PGBD2: variants seen among roughly 807,000 people sequenced by gnomAD.
PGBD2 encodes piggyBac transposable element-derived protein 2.
PGBD2 carries 6 observed loss-of-function variants against 8.1 expected under a neutral mutation model. The ratio of observed to expected loss-of-function variants is 0.74; its 90% CI spans 0.40 to 1.46. PGBD2 has a LOEUF of 1.46. PGBD2 is among the 40% of genes most tolerant of loss of function. The probability of loss-of-function intolerance (pLI) is 0.02; values close to 1 mark genes in which losing one functional copy is unlikely to be tolerated. For missense variants in PGBD2, 802 were observed against 739.0 expected, an observed-to-expected ratio of 1.09 and a Z score of -0.99; for synonymous variants, 318 against 272.2, an observed-to-expected ratio of 1.17 and a Z score of -1.66.
chr1:248,914,138 C>A (rs1156759969), intron 2 of PGBD2, among the ~76,000 whole-genome samples: 1 of 152,166 alleles, frequency 6.6e-6, no homozygotes, highest in Admixed American at 6.5e-5. Context: ...CCTCATCTTT[C>A]AAGATAAAGA....
At position 248,910,189 on chromosome 1, in the gene PGBD2, T is replaced by TA. The variant is rs142254921; in HGVS notation, c.-47-3625dup. Among the ~76,000 whole-genome samples the TA allele has an allele frequency of 5.4e-3, 825 of 152,364 alleles. 6 individuals are homozygous for TA. The highest frequency in any genetic ancestry group is 0.011 in the South Asian group (54 of 4,832). On this transcript the variant is annotated intron_variant, in intron 1 of 2. Coordinates refer to ENST00000329291, the MANE Select transcript of PGBD2 (RefSeq NM_170725.3). ...ATACTGATGCATCCTTAATCAAACA[T>TA]AATTTCTGCAGCAAAATGTATGGAT...
the PGBD2 span, among the ~76,000 whole-genome samples, chr1:248,882,365 T>C: frequency 3.7e-4 from 57 of 152,294 alleles, no homozygotes; most frequent in African/African-American, 1.3e-3. Flanking sequence ...GAGATAAGAA[T>C]TTACAATATA....
chr1:248,927,304 A>G, the PGBD2 span, among the ~76,000 whole-genome samples: 3 of 152,176 alleles, frequency 2.0e-5, no homozygotes, highest in East Asian at 5.8e-4. Flanking sequence ...GAAGCTGACA[A>G]TCCATCAGCA....
In PGBD2 at chr1:248,917,941, G is replaced by A; in HGVS notation, c.1357G>A (p.Val453Met). Residue 453 changes from valine to methionine, a missense_variant, in exon 3 of 3, where the codon GTG (valine) becomes ATG (methionine). Physicochemically the swap from Val to Met is conservative, Grantham distance 21. Transcript: ENST00000329291. ...GACTCAGGTCCACCAGCCATCACTG[G>A]TGAAGCTGTATCAGGAGAAGGTGGG... ...TRTQVHQPSL[V>M]KLYQEKVGGV... The A allele has an allele frequency of 1.2e-6, 2 of 1,614,224 alleles. No individual in the cohort carries two copies. The highest frequency in any genetic ancestry group is 1.7e-6 in the Non-Finnish European group (2 of 1,180,042).
chr1:248,884,717 T>C, the PGBD2 span, among the ~76,000 whole-genome samples: 1 of 152,332 alleles, frequency 6.6e-6, no homozygotes, highest in Middle Eastern at 3.4e-3. Context: ...CAGGGGCTTA[T>C]AGGTTATAGA....
chr1:248,885,635 C>T, the PGBD2 span, among the ~76,000 whole-genome samples: 1 of 152,194 alleles, frequency 6.6e-6, no homozygotes, highest in South Asian at 2.1e-4. Context: ...AGGGTAGGGA[C>T]CCCAGGAGAA....
the PGBD2 span, among the ~76,000 whole-genome samples, chr1:248,901,135 A>G: frequency 2.5e-4 from 38 of 152,250 alleles, no homozygotes; most frequent in African/African-American, 8.2e-4. Context: ...AGGGATAGGA[A>G]GAATCAATAT....
At chr1:248,928,691 G>A in the PGBD2 span, among the ~76,000 whole-genome samples, 1 of 152,106 alleles carries the variant, frequency 6.6e-6, no homozygotes, top group Non-Finnish European at 1.5e-5. Context: ...CTACAGAGTG[G>A]GTAATAAGCA....
the PGBD2 span, among the ~76,000 whole-genome samples, chr1:248,888,404 A>G: frequency 6.6e-6 from 1 of 152,188 alleles, no homozygotes; most frequent in African/African-American, 2.4e-5. Flanking sequence ...CCTTGCCAGC[A>G]TCTGTTATAT....
the PGBD2 span, among the ~76,000 whole-genome samples, chr1:248,900,686 C>G: frequency 6.6e-6 from 1 of 152,130 alleles, no homozygotes; most frequent in Admixed American, 6.5e-5. Context: ...TGGCACAAGA[C>G]AAGGATGTCC....
chr1:248,881,557 A>G, the PGBD2 span, among the ~76,000 whole-genome samples: 5,391 of 152,264 alleles, frequency 0.035, 313 homozygotes, highest in African/African-American at 0.12. Flanking sequence ...CTATGATTGT[A>G]TAGTATTTGT....
At chr1:248,879,103 A>T in the PGBD2 span, among the ~76,000 whole-genome samples, 1 of 152,172 alleles carries the variant, frequency 6.6e-6, no homozygotes, top group Non-Finnish European at 1.5e-5. Context: ...TGTGTGCCTA[A>T]ATGTCCTTTC....
chr1:248,929,039 G>A, the PGBD2 span, among the ~76,000 whole-genome samples: 1 of 152,066 alleles, frequency 6.6e-6, no homozygotes, highest in African/African-American at 2.4e-5. Context: ...AGATTCCAGT[G>A]TTTATTCATT....
chr1:248,894,099 G>A, the PGBD2 span, among the ~76,000 whole-genome samples: 1 of 152,062 alleles, frequency 6.6e-6, no homozygotes, highest in Non-Finnish European at 1.5e-5. Flanking sequence ...TTTATATCAG[G>A]TTATTTTTGT....
chr1:248,895,769 C>G, the PGBD2 span, among the ~76,000 whole-genome samples: 4 of 152,092 alleles, frequency 2.6e-5, no homozygotes, highest in Admixed American at 6.5e-5. Flanking sequence ...CTCACTGCAA[C>G]TTCCGCCTCC....
Position 248,918,799 on chromosome 1 carries a change from T to C in PGBD2, c.*436T>C, listed in dbSNP as rs1662214059. ...ATTTCTTAATCATATTTATTTCATATTAATCCAAGTTTATCAAACTTTTGA... is the reference window on the plus strand; with the variant it reads ...ATTTCTTAATCATATTTATTTCATACTAATCCAAGTTTATCAAACTTTTGA... On this transcript the variant is annotated 3_prime_UTR_variant, in exon 3 of 3. Coordinates refer to ENST00000329291, the MANE Select transcript of PGBD2 (RefSeq NM_170725.3). 1 of 167,084 alleles carries C rather than the reference T, an allele frequency of 6.0e-6. No homozygotes were observed. The highest frequency in any genetic ancestry group is 2.1e-4 in the South Asian group (1 of 4,834). The allele number at this position is 167,084 out of a possible 1,614,324, so 10.4% of individuals were successfully genotyped here. A position where few individuals can be genotyped will look rare whatever the true frequency, so the allele number is the denominator to read the frequency against.
the PGBD2 span, among the ~76,000 whole-genome samples, chr1:248,930,161 G>A: frequency 1.6e-4 from 24 of 152,106 alleles, no homozygotes; most frequent in Non-Finnish European, 5.9e-5. Context: ...GCTGCTCATC[G>A]CTGCTCAGCA....
At chr1:248,879,948 C>T in the PGBD2 span, among the ~76,000 whole-genome samples, 2 of 152,082 alleles carry the variant, frequency 1.3e-5, no homozygotes, top group African/African-American at 4.8e-5. Context: ...CAACTGCAAT[C>T]AGTTCTGCAT....
the PGBD2 span, among the ~76,000 whole-genome samples, chr1:248,930,031 G>A: frequency 6.6e-6 from 1 of 152,176 alleles, no homozygotes; most frequent in East Asian, 1.9e-4. Context: ...AGGAAGGTGA[G>A]GCAAAAGCTT....
Sources: gnomAD v4.1 joint callset for allele counts (sites outside exome capture counted in the v4.1 genomes callset) on GRCh38, gnomAD v4.1.1 for gene constraint, MANE v1.5 for transcripts, NCBI Gene and HGNC (gene_info 2026-07-23, HGNC 2026-07-21) for gene names.